SLC22A3: variants seen among roughly 807,000 people sequenced by gnomAD.
SLC22A3 encodes EMT organic cation transporter 3.
Under a neutral mutation model 59.1 loss-of-function variants are expected in SLC22A3, and 51 were observed. The ratio of observed to expected loss-of-function variants is 0.86; its 90% CI spans 0.69 to 1.09. SLC22A3 has a LOEUF of 1.09. Ranked by LOEUF, SLC22A3 falls within the 50% of genes least tolerant of loss-of-function variation. The pLI, the probability that SLC22A3 is intolerant of heterozygous loss-of-function variation, is 0.00. For missense variants in SLC22A3, 711 were observed against 726.3 expected (o/e 0.98, Z 0.24); for synonymous variants, 325 against 292.0 (o/e 1.11, Z -1.15).
chr6:160,400,845 G>T (rs1262068072), intron 2 of SLC22A3, among the ~76,000 whole-genome samples: 6 of 151,840 alleles, frequency 4.0e-5, no homozygotes, highest in Admixed American at 1.3e-4. Flanking sequence ...TCTAAAAAAA[G>T]AAACCAAATG....
chr6:160,423,740 G>A (rs1046427200), intron 5 of SLC22A3, among the ~76,000 whole-genome samples: 1 of 152,168 alleles, frequency 6.6e-6, no homozygotes, highest in Non-Finnish European at 1.5e-5. Context: ...CAGATGAGTA[G>A]ATTGCAAAAA....
chr6:160,373,410 G>A lies in SLC22A3; in HGVS notation c.429+24562G>A, dbSNP rs973069417. On this transcript the variant is annotated intron_variant, in intron 1 of 10. Coordinates refer to ENST00000275300, the MANE Select transcript of SLC22A3 (RefSeq NM_021977.4). ...TCTCAGAGGGGCACTCACCAGATGT[G>A]AGCCAGAGCTCTTTTGTATGAGGTG... Among the ~76,000 whole-genome samples, 7 of 152,150 alleles carry A rather than the reference G, an allele frequency of 4.6e-5. No homozygotes were observed. The East Asian group carries it at 1.4e-3, about 29-fold the overall frequency.
chr6:160,368,869 A>G (rs925164508), intron 1 of SLC22A3, among the ~76,000 whole-genome samples: 2 of 152,196 alleles, frequency 1.3e-5, no homozygotes, highest in Admixed American at 6.5e-5. Context: ...TCCCTGGTAC[A>G]TCTCTTATTT....
chr6:160,422,232 T>C (rs1787767565), intron 5 of SLC22A3, among the ~76,000 whole-genome samples: 1 of 152,218 alleles, frequency 6.6e-6, no homozygotes, highest in African/African-American at 2.4e-5. Flanking sequence ...AACATTGATG[T>C]ACACAGATGT....
intron 2 of SLC22A3, among the ~76,000 whole-genome samples, chr6:160,401,442 A>G (rs1786778019): frequency 2.0e-5 from 3 of 152,020 alleles, no homozygotes; most frequent in South Asian, 2.1e-4. Flanking sequence ...AGAATTCTAT[A>G]CTGTGCAAAG....
intron 1 of SLC22A3, among the ~76,000 whole-genome samples, chr6:160,377,511 C>A: frequency 6.6e-6 from 1 of 151,556 alleles, no homozygotes; most frequent in East Asian, 1.9e-4. Context: ...AACAGGGAAA[C>A]GTTTGCAAAG....
At position 160,348,394 on chromosome 6, in the gene SLC22A3, TGCGGGCG is replaced by T. The variant is rs543516112; in HGVS notation, c.-11_-5del. ...CCGCGGGTCACTCCGAGGCGCGGGC[TGCGGGCG>T]GCGGGCGGCGGGCGCACCATGCCCT... On this transcript the variant is annotated 5_prime_UTR_variant, in exon 1 of 11. Coordinates refer to ENST00000275300, the MANE Select transcript of SLC22A3 (RefSeq NM_021977.4). The T allele has an allele frequency of 6.0e-5, 86 of 1,435,186 alleles. No individual in the cohort carries two copies. Among genetic ancestry groups the T allele is most frequent in the Non-Finnish European group, 7.1e-5 (78 of 1,101,144 alleles). The allele number at this position is 1,435,186 out of a possible 1,614,324, so 88.9% of individuals were successfully genotyped here. A position where few individuals can be genotyped will look rare whatever the true frequency, so the allele number is the denominator to read the frequency against.
intron 1 of SLC22A3, among the ~76,000 whole-genome samples, chr6:160,363,092 A>C (rs1048289234): frequency 6.6e-6 from 1 of 152,234 alleles, no homozygotes; most frequent in Non-Finnish European, 1.5e-5. Flanking sequence ...CCCAATGCGC[A>C]CAGTGTTGCC....
Position 160,442,789 on chromosome 6 carries a change from T to G in SLC22A3, c.1317T>G (p.Ala439=), listed in dbSNP as rs1239035769. Reference sequence around the variant, plus strand: ...TAGCATGGTTGAGGACCACAGTGGCTACATTGGGAAGACTAGGGATAACCA... The same window carrying G: ...TAGCATGGTTGAGGACCACAGTGGCGACATTGGGAAGACTAGGGATAACCA... ...EGIAWLRTTV[A]TLGRLGITMA... is the part of the protein sequence containing the mutation. The change falls in exon 8 of 11, where the codon GCT becomes GCG. Residue 439 remains alanine (A), a synonymous_variant. Transcript: ENST00000275300. 1.9e-6 allele frequency: 3 copies of G among 1,613,940 alleles called. No individual in the cohort carries two copies. Among genetic ancestry groups the G allele is most frequent in the Non-Finnish European group, 2.5e-6 (3 of 1,179,920 alleles).
In SLC22A3 at chr6:160,451,035, A is replaced by C; in HGVS notation, c.1650A>C (p.Pro550=). 1.3e-6 allele frequency: 2 copies of C among 1,595,214 alleles called. No homozygotes were observed. The highest frequency in any genetic ancestry group is 2.3e-5 in the East Asian group (1 of 44,132). ...SCKCGRNKKT[P]VSRSHL ...AATGTGGCAGGAATAAGAAAACCCC[A>C]GTTTCCCGCTCTCACCTTTGAGGCC... The change falls in exon 11 of 11, where the codon CCA becomes CCC. Residue 550 remains proline (P), a synonymous_variant. Coordinates refer to ENST00000275300, the MANE Select transcript of SLC22A3 (RefSeq NM_021977.4).
At chr6:160,396,302 G>C (rs1786468082) in intron 1 of SLC22A3, among the ~76,000 whole-genome samples, 1 of 152,148 alleles carries the variant, frequency 6.6e-6, no homozygotes, top group African/African-American at 2.4e-5. Context: ...CTAATTATAA[G>C]TAAATGTAAA....
At chr6:160,430,501 AAG>A (rs1686560017) in intron 5 of SLC22A3, among the ~76,000 whole-genome samples, 1 of 152,230 alleles carries the variant, frequency 6.6e-6, no homozygotes, top group African/African-American at 2.4e-5. Context: ...AAGAATTGCA[AAG>A]AGAGCTGAAT....
At chr6:160,423,418 C>T (rs1787827710) in intron 5 of SLC22A3, among the ~76,000 whole-genome samples, 1 of 152,192 alleles carries the variant, frequency 6.6e-6, no homozygotes, top group African/African-American at 2.4e-5. Context: ...CTGTCTTCCA[C>T]AATGGTTGAA....
intron 7 of SLC22A3, among the ~76,000 whole-genome samples, chr6:160,440,686 C>G (rs1341549903): frequency 6.6e-6 from 1 of 152,192 alleles, no homozygotes; most frequent in African/African-American, 2.4e-5. Context: ...TTTATTCATA[C>G]TTCCTACAGT....
intron 1 of SLC22A3, among the ~76,000 whole-genome samples, chr6:160,378,541 T>A (rs1785678694): frequency 6.6e-6 from 1 of 152,238 alleles, no homozygotes; most frequent in South Asian, 2.1e-4. Flanking sequence ...TCAGATATGG[T>A]GGCCCTTATC....
intron 2 of SLC22A3, among the ~76,000 whole-genome samples, chr6:160,403,796 A>G (rs1042053982): frequency 6.6e-6 from 1 of 151,974 alleles, no homozygotes; most frequent in African/African-American, 2.4e-5. Flanking sequence ...CACATCGACA[A>G]ACTAAGGAAG....
At chr6:160,377,591 T>C (rs568720495) in intron 1 of SLC22A3, among the ~76,000 whole-genome samples, 3 of 152,280 alleles carry the variant, frequency 2.0e-5, no homozygotes, top group South Asian at 4.1e-4. Flanking sequence ...TCCTTGAAGC[T>C]CTTTGCCCAG....
chr6:160,350,080 T>C (rs1583433348), intron 1 of SLC22A3, among the ~76,000 whole-genome samples: 1 of 152,284 alleles, frequency 6.6e-6, no homozygotes, highest in Admixed American at 6.5e-5. Context: ...GATGGCTCTA[T>C]GCTATGTGCT....
At chr6:160,357,342 G>T (rs1784876068) in intron 1 of SLC22A3, among the ~76,000 whole-genome samples, 1 of 152,154 alleles carries the variant, frequency 6.6e-6, no homozygotes, top group African/African-American at 2.4e-5. Context: ...TTTCCCAGTT[G>T]CTGCGTCCAC....
Sources: allele counts gnomAD v4.1 joint callset (sites outside exome capture counted in the v4.1 genomes callset), GRCh38; gene constraint gnomAD v4.1.1; transcripts MANE v1.5; gene names NCBI Gene and HGNC (gene_info 2026-07-23, HGNC 2026-07-21).